FBN1: variants seen among roughly 807,000 people sequenced by gnomAD.
The protein encoded by FBN1 is fibrillin 1.
In FBN1, 29 loss-of-function variants were observed where a neutral mutation model predicts 365.1. The ratio of observed to expected loss-of-function variants is 0.08; its 90% CI spans 0.06 to 0.11. The LOEUF is 0.11. Ranked by LOEUF, FBN1 falls within the 10% of genes least tolerant of loss-of-function variation. FBN1 has a pLI of 1.00. For missense variants in FBN1, 2,476 were observed against 3,703.2 expected, an observed-to-expected ratio of 0.67 and a Z score of 8.60; for synonymous variants, 1,210 against 1,270.5, an observed-to-expected ratio of 0.95 and a Z score of 1.01.
chr15:48,484,039 T>A, intron 30 of FBN1, 96 bp from the exon 31 acceptor site: 1 of 1,255,284 alleles, frequency 8.0e-7, no homozygotes, highest in Non-Finnish European at 1.1e-6. Context: ...AAACTTAGCC[T>A]ACTAGCATAA....
In FBN1 at chr15:48,421,663, T is replaced by C; in HGVS notation, c.7594A>G (p.Ile2532Val). The change falls in exon 62 of 66, where the codon ATC becomes GTC. Residue 2532 changes from isoleucine to valine, a missense_variant. Transcript: ENST00000316623. Reference sequence around the variant, plus strand: ...ATGCCCTTAGACCCGCACAGATTGATGTCAGAGGTGCATTCATTGTTATCT... The same window carrying C: ...ATGCCCTTAGACCCGCACAGATTGACGTCAGAGGTGCATTCATTGTTATCT... Reference protein sequence around the residue: ...CIDNNECTSDINLCGSKGICQ... With the variant: ...CIDNNECTSDVNLCGSKGICQ... The C allele has an allele frequency of 1.2e-6, 2 of 1,613,812 alleles. No homozygotes were observed. Among genetic ancestry groups the C allele is most frequent in the Non-Finnish European group, 1.7e-6 (2 of 1,179,934 alleles).
chr15:48,538,062 G>A (rs942604257), intron 6 of FBN1, among the ~76,000 whole-genome samples: 6 of 152,194 alleles, frequency 3.9e-5, no homozygotes, highest in African/African-American at 1.2e-4. Flanking sequence ...GATCAGGCGA[G>A]CTAATGGAAA....
chr15:48,531,735 A>AGT (rs982760087), intron 8 of FBN1, among the ~76,000 whole-genome samples: 25 of 152,312 alleles, frequency 1.6e-4, no homozygotes, highest in African/African-American at 5.5e-4. Flanking sequence ...CGGCTTGCCA[A>AGT]GAGCTCTCAG....
At chr15:48,474,180 T>C in intron 34 of FBN1, 75 bp downstream of exon 34, 1 of 1,603,764 alleles carries the variant, frequency 6.2e-7, no homozygotes, top group Non-Finnish European at 8.5e-7. Flanking sequence ...CAAAAAAGAA[T>C]TGCTAGCCTG....
At chr15:48,448,698 T>G (rs2043177486) in intron 46 of FBN1, 70 bp downstream of exon 46, 2 of 1,470,120 alleles carry the variant, frequency 1.4e-6, no homozygotes, top group Admixed American at 3.5e-5. Flanking sequence ...GTATTAAATT[T>G]TATCCATATT....
chr15:48,439,691 T>C (rs1195178761), intron 50 of FBN1, among the ~76,000 whole-genome samples: 1 of 152,154 alleles, frequency 6.6e-6, no homozygotes, highest in Non-Finnish European at 1.5e-5. Context: ...CTCATTCTCT[T>C]TTCCTTTAAT....
At chr15:48,597,915 G>T (rs1334662304) in intron 5 of FBN1, among the ~76,000 whole-genome samples, 4 of 152,166 alleles carry the variant, frequency 2.6e-5, no homozygotes, top group Non-Finnish European at 5.9e-5. Flanking sequence ...CTTGTGTGTT[G>T]GGCATTGGGC....
rs1278803888 is a variant in FBN1 at position 48,517,350 on chromosome 15, A to G, written c.1148-988T>C. On this transcript the variant is annotated intron_variant, in intron 10 of 65. Transcript: ENST00000316623. The stretch of plus-strand genomic sequence containing the variant: ...AAGGGGAAGAGAAGGGAGTGCAAAG[A>G]CAGAACCCTGAAGAATACTGATTCG... Among the ~76,000 whole-genome samples, 4 of 152,310 alleles carry G rather than the reference A, an allele frequency of 2.6e-5. No homozygotes were observed. In the East Asian group the frequency reaches 7.7e-4, roughly 29 times the overall value.
intron 38 of FBN1, among the ~76,000 whole-genome samples, chr15:48,467,177 C>T (rs545323343): frequency 6.6e-6 from 1 of 152,266 alleles, no homozygotes; most frequent in African/African-American, 2.4e-5. Flanking sequence ...AATTATAGCG[C>T]TTATGTTTAG....
Position 48,465,772 on chromosome 15 carries a change from CAA to C in FBN1, c.4816+16_4816+17del. On this transcript the variant is annotated intron_variant, in intron 39 of 65. Coordinates refer to ENST00000316623, the MANE Select transcript of FBN1 (RefSeq NM_000138.5). ...AATTCAAGTTGTGTGTGCTTTAAGA[CAA>C]AGGAAACACAATTACCTTCCAATAT... 1.2e-6 allele frequency: 2 copies of C among 1,611,676 alleles called. No homozygotes were observed. The highest frequency in any genetic ancestry group is 1.7e-6 in the Non-Finnish European group (2 of 1,177,924).
intron 17 of FBN1, among the ~76,000 whole-genome samples, chr15:48,499,600 T>C (rs2043638068): frequency 6.6e-6 from 1 of 152,212 alleles, no homozygotes; most frequent in South Asian, 2.1e-4. Context: ...GGTATATCCA[T>C]AGAGAAAGTA....
rs577847858 is a variant in FBN1 at position 48,472,917 on chromosome 15, C to T, written c.4211-241G>A. ...AAATGAATAAGCCGAAGGAATCATG[C>T]AAACTAAGGCCTGTTCAAGAAGGGT... On this transcript the variant is annotated intron_variant, in intron 34 of 65. Coordinates refer to ENST00000316623, the MANE Select transcript of FBN1 (RefSeq NM_000138.5). Among the ~76,000 whole-genome samples the T allele has an allele frequency of 2.6e-5, 4 of 152,264 alleles. No individual in the cohort carries two copies. The East Asian group carries it at 7.7e-4, about 29-fold the overall frequency.
chr15:48,464,959 T>C (rs944950478), intron 40 of FBN1, among the ~76,000 whole-genome samples: 2 of 152,240 alleles, frequency 1.3e-5, no homozygotes, highest in African/African-American at 4.8e-5. Flanking sequence ...CAGGGGAATA[T>C]TTCTTATGCA....
chr15:48,533,932 A>G (rs1454025754), intron 8 of FBN1, 148 bp downstream of exon 8: 3 of 1,200,638 alleles, frequency 2.5e-6, no homozygotes, highest in Non-Finnish European at 2.4e-6. Flanking sequence ...AAGGCATATT[A>G]TTACTGTTAA....
intron 31 of FBN1, among the ~76,000 whole-genome samples, chr15:48,482,596 G>T (rs923253110): frequency 6.6e-6 from 1 of 152,176 alleles, no homozygotes; most frequent in African/African-American, 2.4e-5. Context: ...TTGAGGAGAT[G>T]AATCTGGGCA....
intron 38 of FBN1, 128 bp downstream of exon 38, chr15:48,467,809 TC>T (rs1241747666): frequency 2.3e-6 from 2 of 855,202 alleles, no homozygotes; most frequent in African/African-American, 3.3e-5. Context: ...GGGAATAAGG[TC>T]CCCTCTACAG....
At chr15:48,462,973 TA>T in intron 42 of FBN1, 108 bp downstream of exon 42, 1 of 1,138,608 alleles carries the variant, frequency 8.8e-7, no homozygotes, top group Non-Finnish European at 1.3e-6. Flanking sequence ...TTTTTCCCTG[TA>T]AAGATAAACA....
chr15:48,600,155 C>T lies in FBN1; in HGVS notation c.426G>A (p.Gly142=), dbSNP rs1391070461. The T allele has an allele frequency of 1.9e-6, 3 of 1,612,270 alleles. No homozygotes were observed. In the African/African-American group the frequency reaches 4.0e-5, roughly 22 times the overall value. The change falls in exon 5 of 66, where the codon GGG becomes GGA. Residue 142 remains glycine (G), a synonymous_variant. Transcript: ENST00000316623. ...TGTACTTACGTTGTCCACAGTGAGT[C>T]CCTATGTATCCTTTCTGGCATAGAC... The part of the protein sequence containing the change: ...DHCLCQKGYI[G]THCGQPVCES...
chr15:48,612,027 G>T (rs1047557799), intron 3 of FBN1, among the ~76,000 whole-genome samples: 2 of 152,168 alleles, frequency 1.3e-5, no homozygotes, highest in South Asian at 2.1e-4. Flanking sequence ...ATTTCTCAGA[G>T]AACTCTACAG....
Sources: gnomAD v4.1 joint callset for allele counts (sites outside exome capture counted in the v4.1 genomes callset) on GRCh38, gnomAD v4.1.1 for gene constraint, MANE v1.5 for transcripts, NCBI Gene and HGNC (gene_info 2026-07-23, HGNC 2026-07-21) for gene names.